The following XRCC5 variants were observed in gnomAD, a reference collection of about 807,000 sequenced individuals.
XRCC5 encodes the protein DNA repair protein Ku80.
A neutral mutation model predicts 95.7 loss-of-function variants in XRCC5; 12 were observed. The ratio of observed to expected loss-of-function variants is 0.13; its 90% CI spans 0.08 to 0.20. XRCC5 has a LOEUF of 0.20. XRCC5 is among the 10% of genes least tolerant of loss of function. The pLI is 1.00. For missense variants in XRCC5, 595 were observed against 873.9 expected (o/e 0.68, Z 4.02); for synonymous variants, 281 against 290.3 (o/e 0.97, Z 0.33).
At chr2:216,157,492 C>G (rs570868352) in intron 14 of XRCC5, among the ~76,000 whole-genome samples, 10 of 152,162 alleles carry the variant, frequency 6.6e-5, no homozygotes, top group Non-Finnish European at 1.2e-4. Context: ...CTCAGCCTCC[C>G]GAAGTGCTGG....
rs192223955 is a variant in XRCC5, at chr2:216,175,652, C to T, written c.1834+13604C>T. On this transcript the variant is annotated intron_variant, in intron 16 of 20. Transcript: ENST00000392132. ...TAATACCACCAGCAAAAATGTTCTT[C>T]ACTGTTAGGTGGGCACCAGGCTTTA... 1.6e-3 allele frequency: 647 copies of T among 413,884 alleles called. 2 individuals carry two copies. The highest frequency in any genetic ancestry group is 3.3e-3 in the Admixed American group (110 of 33,626). The allele number at this position is 413,884 out of a possible 1,614,324, so 25.6% of individuals were successfully genotyped here.
chr2:216,154,892 G>A lies in XRCC5; in HGVS notation c.1671-5176G>A, dbSNP rs1415137016. ...AATCCAGATAAGCAGAAAGAAAAGA[G>A]GCATCTATTCATAATCCAACTATCT... On this transcript the variant is annotated intron_variant, in intron 14 of 20. Transcript: ENST00000392132. Among the ~76,000 whole-genome samples the A allele has an allele frequency of 2.0e-5, 3 of 151,854 alleles. No homozygotes were observed. In the East Asian group the frequency reaches 5.8e-4, roughly 29 times the overall value.
intron 12 of XRCC5, among the ~76,000 whole-genome samples, chr2:216,140,720 G>A (rs1478329130): frequency 6.6e-6 from 1 of 152,118 alleles, no homozygotes; most frequent in African/African-American, 2.4e-5. Flanking sequence ...TCCTGTTAAG[G>A]TGCTGTACTC....
At chr2:216,138,865 A>G (rs986908551) in intron 12 of XRCC5, among the ~76,000 whole-genome samples, 2 of 152,334 alleles carry the variant, frequency 1.3e-5, no homozygotes, top group South Asian at 2.1e-4. Context: ...AAGTTTATAT[A>G]TAATGTCTGT....
chr2:216,114,068 C>T (rs1237317007), intron 2 of XRCC5, among the ~76,000 whole-genome samples: 1 of 152,066 alleles, frequency 6.6e-6, no homozygotes, highest in African/African-American at 2.4e-5. Context: ...CTCAGTGTCC[C>T]ATGTGTAAAA....
At chr2:216,194,158 C>G (rs577928983) in intron 18 of XRCC5, among the ~76,000 whole-genome samples, 2 of 152,312 alleles carry the variant, frequency 1.3e-5, no homozygotes, top group South Asian at 4.2e-4. Flanking sequence ...TACAGTAAGT[C>G]CTCTCTTAAC....
At chr2:216,130,653 G>T (rs1696981471) in intron 8 of XRCC5, 1 of 385,326 alleles carries the variant, frequency 2.6e-6, no homozygotes, top group East Asian at 4.1e-5. Flanking sequence ...TTTAAAAAAT[G>T]TAATTAGATT....
intron 14 of XRCC5, among the ~76,000 whole-genome samples, chr2:216,153,005 CT>C (rs1282998845): frequency 2.6e-5 from 4 of 152,110 alleles, no homozygotes; most frequent in African/African-American, 9.7e-5. Context: ...AATAGTCCCC[CT>C]AGCTTCTTCC....
chr2:216,121,218 C>G (rs1415597489), intron 5 of XRCC5, among the ~76,000 whole-genome samples: 2 of 152,234 alleles, frequency 1.3e-5, no homozygotes, highest in Non-Finnish European at 2.9e-5. Flanking sequence ...CTGTGTCTCA[C>G]ACTTTCCTCC....
At chr2:216,184,315 G>GT (rs1689451987) in intron 16 of XRCC5, among the ~76,000 whole-genome samples, 1 of 152,100 alleles carries the variant, frequency 6.6e-6, no homozygotes, top group African/African-American at 2.4e-5. Context: ...TACATAATTT[G>GT]TTTTTTATAG....
At chr2:216,161,691 C>T (rs1044809346) in intron 15 of XRCC5, among the ~76,000 whole-genome samples, 1 of 152,204 alleles carries the variant, frequency 6.6e-6, no homozygotes, top group South Asian at 2.1e-4. Flanking sequence ...AGCCTTCCAG[C>T]TGGGCTGGCT....
At chr2:216,136,376 T>G (rs913205108) in intron 10 of XRCC5, among the ~76,000 whole-genome samples, 6 of 72,576 alleles carry the variant, frequency 8.3e-5, no homozygotes, top group Non-Finnish European at 1.5e-4. Flanking sequence ...AAAAAAGAAA[T>G]AAAAGAATGT....
chr2:216,172,367 A>G, intron 16 of XRCC5, among the ~76,000 whole-genome samples: 1 of 152,270 alleles, frequency 6.6e-6, no homozygotes, highest in South Asian at 2.1e-4. Flanking sequence ...ACTAAAAAAT[A>G]GAATACTCGG....
At chr2:216,169,875 A>T (rs1164393875) in intron 16 of XRCC5, among the ~76,000 whole-genome samples, 1 of 150,576 alleles carries the variant, frequency 6.6e-6, no homozygotes. Context: ...GAAACTAAAA[A>T]AAAAAAAAAC....
chr2:216,176,453 A>G (rs1192727857), intron 16 of XRCC5, among the ~76,000 whole-genome samples: 1 of 152,194 alleles, frequency 6.6e-6, no homozygotes, highest in Non-Finnish European at 1.5e-5. Context: ...TCAGTTTTAA[A>G]ATTTCTTATT....
chr2:216,113,163 A>G (rs377730441), intron 2 of XRCC5, 34 bp downstream of exon 2: 2 of 1,563,046 alleles, frequency 1.3e-6, no homozygotes, highest in African/African-American at 2.7e-5. Context: ...CTTGTAACCC[A>G]TGTTTGAACT....
At chr2:216,191,332 AAAAG>A (rs1360801424) in intron 17 of XRCC5, among the ~76,000 whole-genome samples, 22 of 152,304 alleles carry the variant, frequency 1.4e-4, no homozygotes, top group African/African-American at 5.1e-4. Flanking sequence ...TAAAAAAAAT[AAAAG>A]AGAGACAAGA....
intron 16 of XRCC5, among the ~76,000 whole-genome samples, chr2:216,181,031 T>C (rs1357583842): frequency 6.6e-6 from 1 of 152,040 alleles, no homozygotes; most frequent in East Asian, 1.9e-4. Flanking sequence ...CAGGCTGGTC[T>C]CGAACTCCCG....
At chr2:216,125,497 T>C (rs763582445) in intron 6 of XRCC5, among the ~76,000 whole-genome samples, 3 of 152,172 alleles carry the variant, frequency 2.0e-5, no homozygotes, top group African/African-American at 7.2e-5. Flanking sequence ...ATGCCGGCCC[T>C]GAGCAGAAGT....
Sources: gnomAD v4.1 joint callset for allele counts (sites outside exome capture counted in the v4.1 genomes callset) on GRCh38, gnomAD v4.1.1 for gene constraint, MANE v1.5 for transcripts, NCBI Gene and HGNC (gene_info 2026-07-23, HGNC 2026-07-21) for gene names.